The following SV2C variants were observed in gnomAD, a reference collection of about 807,000 sequenced individuals.
SV2C encodes the protein solute carrier family 22 member B3.
Under a neutral mutation model 79.7 loss-of-function variants are expected in SV2C, and 49 were observed. The ratio of observed to expected loss-of-function variants is 0.61; its 90% confidence interval spans 0.49 to 0.78. SV2C has a LOEUF of 0.78. SV2C is among the 30% of genes least tolerant of loss of function. SV2C has a pLI of 0.00. For missense variants in SV2C, 833 were observed against 912.9 expected, an observed-to-expected ratio of 0.91 and a Z score of 1.13; for synonymous variants, 334 against 333.2, an observed-to-expected ratio of 1.00 and a Z score of -0.03.
chr5:75,952,247 T>TTTCCTTCCTACC, the SV2C span, among the ~76,000 whole-genome samples: 132 of 144,350 alleles, frequency 9.1e-4, no homozygotes, highest in Middle Eastern at 3.5e-3. Flanking sequence ...TCTCCTGCAT[T>TTTCCTTCCTACC]TTCCTTCCTT....
chr5:75,912,164 A>G, the SV2C span, among the ~76,000 whole-genome samples: 9 of 147,366 alleles, frequency 6.1e-5, no homozygotes, highest in African/African-American at 2.2e-4. Flanking sequence ...TATAATCACT[A>G]TAAAAAGCAA....
intron 4 of SV2C, among the ~76,000 whole-genome samples, chr5:76,270,223 T>A (rs1209258005): frequency 6.6e-6 from 1 of 152,250 alleles, no homozygotes; most frequent in Non-Finnish European, 1.5e-5. Context: ...AAAGCTGTAT[T>A]GTAGGAAGAG....
the SV2C span, among the ~76,000 whole-genome samples, chr5:75,971,371 G>C: frequency 1.3e-5 from 2 of 152,048 alleles, no homozygotes; most frequent in Admixed American, 6.6e-5. Context: ...ATTAGGAAAA[G>C]AGGAAGTCAA....
At chr5:75,890,406 A>T in the SV2C span, among the ~76,000 whole-genome samples, 1 of 152,120 alleles carries the variant, frequency 6.6e-6, no homozygotes. Context: ...AAGCCTAGCC[A>T]TTGCTTTGGA....
At chr5:76,057,539 A>G in the SV2C span, among the ~76,000 whole-genome samples, 3 of 152,148 alleles carry the variant, frequency 2.0e-5, no homozygotes, top group Non-Finnish European at 4.4e-5. Context: ...AAATAAAATT[A>G]GCTTTATAAT....
At chr5:76,324,486 C>T (rs746839001) in intron 12 of SV2C, among the ~76,000 whole-genome samples, 4 of 152,094 alleles carry the variant, frequency 2.6e-5, no homozygotes, top group East Asian at 1.9e-4. Context: ...TAATGAACTG[C>T]GCTTTATGCC....
At chr5:76,272,600 G>A (rs1247941872) in intron 4 of SV2C, among the ~76,000 whole-genome samples, 1 of 151,178 alleles carries the variant, frequency 6.6e-6, no homozygotes. Flanking sequence ...CAGTTTAGAA[G>A]GTGTTTTGTT....
chr5:75,958,911 G>T, the SV2C span, among the ~76,000 whole-genome samples: 6 of 151,990 alleles, frequency 3.9e-5, no homozygotes, highest in South Asian at 1.0e-3. Context: ...AAGAGTTCTA[G>T]AACACTTTCT....
chr5:76,039,616 C>T, the SV2C span, among the ~76,000 whole-genome samples: 2 of 151,988 alleles, frequency 1.3e-5, no homozygotes, highest in African/African-American at 4.8e-5. Context: ...ATTAACCGGG[C>T]ATGGTGGTAG....
intron 4 of SV2C, among the ~76,000 whole-genome samples, chr5:76,265,995 G>C (rs964554514): frequency 6.6e-6 from 1 of 152,040 alleles, no homozygotes; most frequent in African/African-American, 2.4e-5. Flanking sequence ...GCTATGGCAG[G>C]GGAACCTGAA....
chr5:76,162,701 C>T (rs894525103), intron 2 of SV2C, among the ~76,000 whole-genome samples: 2 of 152,192 alleles, frequency 1.3e-5, no homozygotes, highest in Non-Finnish European at 2.9e-5. Flanking sequence ...AGTGACATTT[C>T]TGGAGATTAA....
At chr5:76,163,022 T>A (rs1420406349) in intron 2 of SV2C, among the ~76,000 whole-genome samples, 1 of 152,170 alleles carries the variant, frequency 6.6e-6, no homozygotes, top group Non-Finnish European at 1.5e-5. Context: ...TTCAGAGGAA[T>A]CCAGTTTAGA....
chr5:76,246,195 C>T (rs1745942603), intron 4 of SV2C, among the ~76,000 whole-genome samples: 1 of 151,962 alleles, frequency 6.6e-6, no homozygotes, highest in African/African-American at 2.4e-5. Flanking sequence ...TTTTAAGGGC[C>T]AGTGTGAGTT....
chr5:75,960,211 G>T, the SV2C span, among the ~76,000 whole-genome samples: 8 of 151,878 alleles, frequency 5.3e-5, no homozygotes, highest in Non-Finnish European at 1.0e-4. Context: ...CCTATTAACT[G>T]ATTTTTTTTG....
Position 76,325,559 on chromosome 5 carries a change from G to A in SV2C, c.*12G>A, listed in dbSNP as rs371105672. On this transcript the variant is annotated 3_prime_UTR_variant, in exon 13 of 13. Transcript: ENST00000502798. ...AGGTTCTGATGTAATGGGAAAAAAA[G>A]CCATCCTTCCTGCGTTTCTTCCTCC... 87 of 1,612,420 alleles carry A rather than the reference G, an allele frequency of 5.4e-5. No individual in the cohort carries two copies. The highest frequency in any genetic ancestry group is 1.3e-4 in the Admixed American group (8 of 59,866).
At chr5:76,008,054 A>C in the SV2C span, among the ~76,000 whole-genome samples, 1 of 152,282 alleles carries the variant, frequency 6.6e-6, no homozygotes, top group East Asian at 1.9e-4. Flanking sequence ...GCAAGCTACT[A>C]GATTCTTTCT....
At chr5:75,882,192 T>C in the SV2C span, among the ~76,000 whole-genome samples, 15,517 of 151,204 alleles carry the variant, frequency 0.1, 808 homozygotes, top group East Asian at 0.15. Context: ...CTGCTGGATT[T>C]GGTTTGCCAG....
the SV2C span, among the ~76,000 whole-genome samples, chr5:75,848,473 A>T: frequency 6.6e-6 from 1 of 152,200 alleles, no homozygotes; most frequent in Admixed American, 6.5e-5. Flanking sequence ...CATTCAGCTC[A>T]CTAAAATTTA....
At chr5:75,961,513 ATAAT>A in the SV2C span, among the ~76,000 whole-genome samples, 4 of 152,112 alleles carry the variant, frequency 2.6e-5, no homozygotes, top group Non-Finnish European at 5.9e-5. Flanking sequence ...AAATAAAATC[ATAAT>A]TATTTTGTTT....
Sources: gnomAD v4.1 joint callset for allele counts (sites outside exome capture counted in the v4.1 genomes callset) on GRCh38, gnomAD v4.1.1 for gene constraint, MANE v1.5 for transcripts, NCBI Gene and HGNC (gene_info 2026-07-23, HGNC 2026-07-21) for gene names.